ATP2B1: variants seen among roughly 807,000 people sequenced by gnomAD.
ATP2B1 encodes plasma membrane calcium-transporting ATPase 1.
In ATP2B1, 14 loss-of-function variants were observed where a neutral mutation model predicts 124.2. That is an observed-to-expected ratio of 0.11 (90% CI 0.07 to 0.18). ATP2B1 has a LOEUF of 0.18. Ranked by LOEUF, ATP2B1 falls within the 10% of genes least tolerant of loss-of-function variation. ATP2B1 has a pLI of 1.00. For synonymous variants in ATP2B1, 449 were observed against 492.4 expected (o/e 0.91, Z 1.17); for missense variants, 763 against 1,466.1 (o/e 0.52, Z 7.83).
chr12:89,596,499 CTGTT>C (rs998922166), intron 20 of ATP2B1, among the ~76,000 whole-genome samples: 34 of 152,190 alleles, frequency 2.2e-4, no homozygotes, highest in African/African-American at 8.2e-4. Context: ...TACTAACTGT[CTGTT>C]AGATAATATG....
At chr12:89,668,422 A>C (rs1179240617) in intron 1 of ATP2B1, among the ~76,000 whole-genome samples, 1 of 152,202 alleles carries the variant, frequency 6.6e-6, no homozygotes, top group Non-Finnish European at 1.5e-5. Context: ...AATGTAACCA[A>C]AACTGTGGGT....
chr12:89,656,397 C>G (rs1885960550), intron 1 of ATP2B1, among the ~76,000 whole-genome samples: 1 of 152,142 alleles, frequency 6.6e-6, no homozygotes, highest in Non-Finnish European at 1.5e-5. Flanking sequence ...GTTCCAAGCA[C>G]TATGCTAGTT....
chr12:89,647,447 T>C (rs1236988754), intron 2 of ATP2B1, among the ~76,000 whole-genome samples: 1 of 152,208 alleles, frequency 6.6e-6, no homozygotes, highest in African/African-American at 2.4e-5. Context: ...AAGACCTTAA[T>C]ATTTTACAAG....
At chr12:89,609,276 G>C (rs1163283254) in intron 15 of ATP2B1, among the ~76,000 whole-genome samples, 1 of 152,096 alleles carries the variant, frequency 6.6e-6, no homozygotes, top group African/African-American at 2.4e-5. Context: ...TTCACACTAA[G>C]TAGGACAAAT....
chr12:89,646,103 G>A (rs1009551491), intron 2 of ATP2B1, among the ~76,000 whole-genome samples: 1 of 151,538 alleles, frequency 6.6e-6, no homozygotes, highest in African/African-American at 2.4e-5. Context: ...TTTTTTTTGC[G>A]AGGGGGAGGG....
rs188288767 is a variant in ATP2B1, at chr12:89,617,086, T to C, written c.1830-47A>G. 1.7e-4 allele frequency: 245 copies of C among 1,459,886 alleles called. No homozygotes were observed. In the African/African-American group the frequency reaches 3.3e-3, roughly 19 times the overall value. 90.4% of individuals were successfully genotyped at this position (1,459,886 alleles called of 1,614,324 possible). A position where few individuals can be genotyped will look rare whatever the true frequency, so the allele number is the denominator to read the frequency against. Reference sequence around the variant, plus strand: ...AAACATCAATAATTTAAAAAAATAATGGTTAATGCCATTTAAGTGAACTGG... The same window carrying C: ...AAACATCAATAATTTAAAAAAATAACGGTTAATGCCATTTAAGTGAACTGG... On this transcript the variant is annotated intron_variant, in intron 11 of 20. Transcript: ENST00000428670.
At chr12:89,630,378 A>T (rs1380002997) in intron 6 of ATP2B1, 127 bp downstream of exon 6, 1 of 871,168 alleles carries the variant, frequency 1.1e-6, no homozygotes, top group African/African-American at 1.7e-5. Context: ...ATTAAGTCTA[A>T]TAGAAAAATC....
At chr12:89,703,511 C>T (rs982762629) in intron 1 of ATP2B1, among the ~76,000 whole-genome samples, 12 of 152,074 alleles carry the variant, frequency 7.9e-5, no homozygotes, top group African/African-American at 1.2e-4. Context: ...AAGGAATATC[C>T]GATCTTTTCT....
chr12:89,624,077 G>T, intron 9 of ATP2B1, 106 bp downstream of exon 9: 8 of 959,360 alleles, frequency 8.3e-6, no homozygotes, highest in Non-Finnish European at 1.2e-5. Context: ...ACATTTATAT[G>T]AAAGTCCTCA....
intron 15 of ATP2B1, among the ~76,000 whole-genome samples, chr12:89,608,022 C>T (rs1877267283): frequency 6.6e-6 from 1 of 151,838 alleles, no homozygotes; most frequent in Non-Finnish European, 1.5e-5. Context: ...ACAGCGATTT[C>T]TTGTAACTAA....
intron 9 of ATP2B1, 35 bp from the exon 10 acceptor site, chr12:89,621,826 G>C: frequency 1.3e-6 from 2 of 1,484,870 alleles, no homozygotes; most frequent in Non-Finnish European, 1.8e-6. Context: ...TAGTTAAGCT[G>C]CATATAAAAC....
At position 89,697,073 on chromosome 12, in the gene ATP2B1, A is replaced by G. The variant is rs1028969127; in HGVS notation, c.-222+11523T>C. On this transcript the variant is annotated intron_variant, in intron 1 of 20. Transcript: ENST00000428670. ...GAGATTCTACTTCCTTCAAAAAAAA[A>G]AAAAAAAAAAGCAAGAAGTAATTCA... is the stretch of plus-strand genomic sequence containing the variant. Among the ~76,000 whole-genome samples, 23 of 151,872 alleles carry G rather than the reference A, an allele frequency of 1.5e-4. No homozygotes were observed. In the Middle Eastern group the frequency reaches 0.01, roughly 67 times the overall value.
rs201490820 is a variant in ATP2B1, at chr12:89,598,420, T to C, written c.3351+697A>G. On this transcript the variant is annotated intron_variant, in intron 20 of 20. Coordinates refer to ENST00000428670, the MANE Select transcript of ATP2B1 (RefSeq NM_001366521.1). ...TTGTTCCACCTGTTATCTAGCCCTCTAAGAAATAAAACAACAACGACAACA... is the reference window on the plus strand; with the variant it reads ...TTGTTCCACCTGTTATCTAGCCCTCCAAGAAATAAAACAACAACGACAACA... Among the ~76,000 whole-genome samples, 41 of 152,282 alleles carry C rather than the reference T, an allele frequency of 2.7e-4. 1 individual carries two copies. Among genetic ancestry groups the C allele is most frequent in the Admixed American group, 5.9e-4 (9 of 15,298 alleles).
At chr12:89,625,584 CAAAAAA>C (rs10560749) in intron 8 of ATP2B1, among the ~76,000 whole-genome samples, 1 of 81,604 alleles carries the variant, frequency 1.2e-5, no homozygotes, top group Non-Finnish European at 2.4e-5. Flanking sequence ...GACCCTGTCT[CAAAAAA>C]AAAAAAAAAA....
rs149542360 is a variant in ATP2B1, at chr12:89,607,468, A to G, written c.2442+2469T>C. The stretch of plus-strand genomic sequence containing the variant: ...CTGTAATTATTTCCATGTGCTGTGA[A>G]TTTTTAGGAGACAGCAACTCTTCAC... On this transcript the variant is annotated intron_variant, in intron 15 of 20. Transcript: ENST00000428670. 1.1e-4 allele frequency among the ~76,000 whole-genome samples: 16 copies of G among 152,254 alleles called. No individual in the cohort carries two copies. In the East Asian group the frequency reaches 1.7e-3, roughly 17 times the overall value.
At chr12:89,616,516 T>A (rs1470696824) in intron 12 of ATP2B1, among the ~76,000 whole-genome samples, 1 of 152,186 alleles carries the variant, frequency 6.6e-6, no homozygotes, top group African/African-American at 2.4e-5. Context: ...TGGCACCTAT[T>A]ATTTAATTTA....
chr12:89,619,169 C>T (rs913591901), intron 11 of ATP2B1, among the ~76,000 whole-genome samples: 9 of 152,120 alleles, frequency 5.9e-5, no homozygotes, highest in Non-Finnish European at 7.4e-5. Context: ...TATTTAAATA[C>T]GACACTGCAG....
chr12:89,593,622 G>A (rs950454623), intron 20 of ATP2B1: 1 of 152,044 alleles, frequency 6.6e-6, no homozygotes, highest in African/African-American at 2.4e-5. Flanking sequence ...TTAAGTTAGA[G>A]ATTTGAGAGT....
rs1876214369 is a variant in ATP2B1, at chr12:89,603,205, A to G, written c.2898T>C (p.Ala966=). 6.2e-7 allele frequency: 1 copy of G among 1,612,964 alleles called. No individual in the cohort carries two copies. The highest frequency in any genetic ancestry group is 8.5e-7 in the Non-Finnish European group (1 of 1,179,516). ...IDSGRNAPLH[A]PPSEHYTIVF... is the part of the protein sequence containing the mutation. Reference sequence around the variant, plus strand: ...CAATAGTATAATGTTCTGAAGGAGGAGCATGCAAAGGAGCATTTCTTCCAC... The same window carrying G: ...CAATAGTATAATGTTCTGAAGGAGGGGCATGCAAAGGAGCATTTCTTCCAC... Residue 966 remains alanine, a synonymous_variant, in exon 18 of 21, where the codon GCT becomes GCC. Transcript: ENST00000428670. The surrounding 1 kb of genome is among the most constrained non-coding windows in gnomAD (Gnocchi z 4.3).
Sources: allele counts gnomAD v4.1 joint callset (sites outside exome capture counted in the v4.1 genomes callset), GRCh38; gene constraint gnomAD v4.1.1; non-coding constraint Gnocchi (gnomAD v3.1); transcripts MANE v1.5; gene names NCBI Gene and HGNC (gene_info 2026-07-23, HGNC 2026-07-21).